GPM6B: variants seen among roughly 807,000 people sequenced by gnomAD.
The protein encoded by GPM6B is neuronal membrane glycoprotein M6-b.
In GPM6B, 4 loss-of-function variants were observed where a neutral mutation model predicts 27.2. That is an observed-to-expected ratio of 0.15 (90% CI 0.07 to 0.34). The LOEUF is 0.34. Ranked by LOEUF, GPM6B falls within the 10% of genes least tolerant of loss-of-function variation. The probability of loss-of-function intolerance (pLI) is 1.00; values close to 1 mark genes in which losing one functional copy is unlikely to be tolerated. For synonymous variants in GPM6B, 124 were observed against 103.1 expected (o/e 1.20, Z -1.23); for missense variants, 183 against 261.9 (o/e 0.70, Z 2.08).
At chrX:13,901,716 A>G (rs2050284229) in intron 1 of GPM6B, among the ~76,000 whole-genome samples, 1 of 111,404 alleles carries the variant, frequency 9.0e-6, no homozygotes, top group Non-Finnish European at 1.9e-5. Context: ...GATGCAGATC[A>G]TAAGAACCTG....
intron 1 of GPM6B, among the ~76,000 whole-genome samples, chrX:13,926,361 T>C (rs1454478378): frequency 9.2e-6 from 1 of 108,369 alleles, no homozygotes; most frequent in Non-Finnish European, 1.9e-5. Flanking sequence ...TGAGCCCAGA[T>C]TGCGCCACTG....
intron 1 of GPM6B, among the ~76,000 whole-genome samples, chrX:13,891,429 AAAC>A (rs764314306): frequency 1.8e-4 from 20 of 111,677 alleles, no homozygotes; most frequent in Admixed American, 1.5e-3. Context: ...AAAAAAAACC[AAAC>A]AACAACAACA....
At chrX:13,852,902 T>C (rs1463674818) in intron 1 of GPM6B, among the ~76,000 whole-genome samples, 1 of 108,749 alleles carries the variant, frequency 9.2e-6, no homozygotes, top group African/African-American at 3.4e-5. Context: ...CGCCTCAGCC[T>C]CCCAAGTAGC....
chrX:13,886,920 G>A (rs1447648725), intron 1 of GPM6B, among the ~76,000 whole-genome samples: 1 of 109,716 alleles, frequency 9.1e-6, no homozygotes, highest in Non-Finnish European at 1.9e-5. Flanking sequence ...GGGTTCCAGT[G>A]ATTCTCCTCC....
At chrX:13,913,539 C>T (rs761010848) in intron 1 of GPM6B, among the ~76,000 whole-genome samples, 2 of 111,572 alleles carry the variant, frequency 1.8e-5, no homozygotes, top group Admixed American at 1.9e-4. Flanking sequence ...CTAGCATAAT[C>T]TCATATTATG....
intron 2 of GPM6B, among the ~76,000 whole-genome samples, chrX:13,803,813 T>C (rs1257887707): frequency 9.0e-6 from 1 of 111,196 alleles, no homozygotes; most frequent in Non-Finnish European, 1.9e-5. Flanking sequence ...AACCCCCTCA[T>C]GAGACAAGCA....
At chrX:13,803,329 C>T (rs2048958151) in intron 2 of GPM6B, among the ~76,000 whole-genome samples, 1 of 110,598 alleles carries the variant, frequency 9.0e-6, no homozygotes, top group African/African-American at 3.3e-5. Flanking sequence ...CCCGTGGCGA[C>T]TCAGGAATCC....
intron 1 of GPM6B, among the ~76,000 whole-genome samples, chrX:13,865,542 C>CAAAAAAAAAAAAAAAAAAA (rs1171503867): frequency 1.3e-3 from 19 of 14,602 alleles, no homozygotes; most frequent in Admixed American, 2.2e-3. Context: ...TCCATCTCTT[C>CAAAAAAAAAAAAAAAAAAA]AAAAAAAAAA....
chrX:13,931,166 A>G (rs756719748), intron 1 of GPM6B, among the ~76,000 whole-genome samples: 1 of 107,586 alleles, frequency 9.3e-6, no homozygotes, highest in African/African-American at 3.4e-5. Context: ...CCTGGGTGAC[A>G]GAACTAGACT....
intron 1 of GPM6B, among the ~76,000 whole-genome samples, chrX:13,920,519 CACGATACGT>C (rs1001246028): frequency 1.8e-5 from 2 of 110,729 alleles, no homozygotes; most frequent in Non-Finnish European, 3.8e-5. Flanking sequence ...GCCAGGGAAA[CACGATACGT>C]AAACCAGCCA....
intron 1 of GPM6B, among the ~76,000 whole-genome samples, chrX:13,808,423 C>G (rs1031294358): frequency 8.9e-6 from 1 of 112,169 alleles, no homozygotes; most frequent in Non-Finnish European, 1.9e-5. Flanking sequence ...ATGGTGACAG[C>G]TGGCACTCCC....
At chrX:13,826,477 A>C (rs1473014723) in intron 1 of GPM6B, among the ~76,000 whole-genome samples, 2 of 111,384 alleles carry the variant, frequency 1.8e-5, no homozygotes, top group Non-Finnish European at 3.8e-5. Flanking sequence ...AGGTCAAGGC[A>C]GAGGATTGCT....
chrX:13,849,381 T>G (rs2049687680), intron 1 of GPM6B, among the ~76,000 whole-genome samples: 1 of 112,813 alleles, frequency 8.9e-6, no homozygotes, highest in Non-Finnish European at 1.9e-5. Context: ...CCATCCATTT[T>G]GACATAATCA....
At chrX:13,843,927 C>A (rs1057224955) in intron 1 of GPM6B, among the ~76,000 whole-genome samples, 1 of 111,638 alleles carries the variant, frequency 9.0e-6, no homozygotes. Context: ...TCCAATGTAT[C>A]TATTCTTTTC....
rs1469744835 is a variant in GPM6B at position 13,772,779 on chromosome X, C to T, written c.*102G>A. ...TGAGACAGACAGTGAAGTGTTTGTACATCTACATTAGTTTGGTGGGATACA... is the reference window on the plus strand; with the variant it reads ...TGAGACAGACAGTGAAGTGTTTGTATATCTACATTAGTTTGGTGGGATACA... On this transcript the variant is annotated 3_prime_UTR_variant, in exon 8 of 8. Coordinates refer to ENST00000316715, the MANE Select transcript of GPM6B (RefSeq NM_001001995.3). 2.6e-6 allele frequency: 2 copies of T among 766,851 alleles called. No homozygotes were observed. The highest frequency in any genetic ancestry group is 1.9e-6 in the Non-Finnish European group (1 of 524,785). 63.2% of individuals were successfully genotyped at this position (766,851 alleles called of 1,213,427 possible).
intron 1 of GPM6B, among the ~76,000 whole-genome samples, chrX:13,896,590 G>A (rs1411824567): frequency 9.0e-6 from 1 of 110,698 alleles, no homozygotes; most frequent in African/African-American, 3.3e-5. Context: ...AATTGAGACA[G>A]AGTCTTGCTC....
intron 4 of GPM6B, among the ~76,000 whole-genome samples, chrX:13,782,446 T>G (rs754854102): frequency 9.0e-6 from 1 of 111,626 alleles, no homozygotes; most frequent in Non-Finnish European, 1.9e-5. Flanking sequence ...TGGTGGAAAC[T>G]AGACCTCTAT....
In GPM6B at chrX:13,921,594, T is replaced by TTA. The variant is rs1321362918; in HGVS notation, c.-198+16732_-198+16733insTA. 8.5e-4 allele frequency among the ~76,000 whole-genome samples: 91 copies of TTA among 107,254 alleles called. 2 individuals carry two copies. Among genetic ancestry groups the TTA allele is most frequent in the Middle Eastern group, 4.7e-3 (1 of 214 alleles). 93.1% of individuals were successfully genotyped at this position (107,254 alleles called of 115,157 possible). A position where few individuals can be genotyped will look rare whatever the true frequency, so the allele number is the denominator to read the frequency against. The stretch of plus-strand genomic sequence containing the variant: ...ATAACCCCCCCCCTTTTTTTTTTTT[T>TTA]AGACAGAGTCTTACTCTGTCACCCA... On this transcript the variant is annotated intron_variant, in intron 1 of 6. Transcript: ENST00000398361.
At chrX:13,842,746 T>C (rs1252064996) in intron 1 of GPM6B, among the ~76,000 whole-genome samples, 2 of 111,193 alleles carry the variant, frequency 1.8e-5, no homozygotes, top group Non-Finnish European at 3.8e-5. Context: ...AAAAAATTTT[T>C]TAAAAGCTAC....
Sources: allele counts gnomAD v4.1 joint callset (sites outside exome capture counted in the v4.1 genomes callset), GRCh38; gene constraint gnomAD v4.1.1; transcripts MANE v1.5; gene names NCBI Gene and HGNC (gene_info 2026-07-23, HGNC 2026-07-21).